The following TMEM51 variants were observed in gnomAD, a reference collection of about 807,000 sequenced individuals.
TMEM51 encodes the protein chromosome 1 open reading frame 72.
In TMEM51, 8 loss-of-function variants were observed where a neutral mutation model predicts 13.6. The observed-to-expected ratio is 0.59, with a 90% CI of 0.35 to 1.07. The LOEUF is 1.07. TMEM51 is among the 50% of genes least tolerant of loss of function. The pLI, the probability that TMEM51 is intolerant of heterozygous loss-of-function variation, is 0.02. For synonymous variants in TMEM51, 147 were observed against 144.4 expected (o/e 1.02, Z -0.13); for missense variants, 279 against 330.7 (o/e 0.84, Z 1.21).
At chr1:15,178,968 C>CTTTGTTGAAA (rs1220352914) in intron 1 of TMEM51, among the ~76,000 whole-genome samples, 10 of 152,160 alleles carry the variant, frequency 6.6e-5, no homozygotes, top group Non-Finnish European at 1.3e-4. Flanking sequence ...GAACAAACCA[C>CTTTGTTGAAA]CCAGAATCGG....
rs1017561393 is a variant in TMEM51 at position 15,160,767 on chromosome 1, G to A, written c.-267+6813G>A. On this transcript the variant is annotated intron_variant, in intron 1 of 3. Transcript: ENST00000376008. ...CTTCTTTTGGGGGAAATTGCCTGTA[G>A]CTAAACACCGGCGCCATCACTTTAA... is the stretch of plus-strand genomic sequence containing the variant. Among the ~76,000 whole-genome samples, 5 of 145,542 alleles carry A rather than the reference G, an allele frequency of 3.4e-5. No homozygotes were observed. The East Asian group carries it at 7.7e-4, about 23-fold the overall frequency.
rs544210755 is a variant in TMEM51 at position 15,219,514 on chromosome 1, A to T, written c.533A>T (p.Asp178Val). The T allele has an allele frequency of 8.1e-6, 13 of 1,613,912 alleles. No individual in the cohort carries two copies. In the African/African-American group the frequency reaches 1.7e-4, roughly 22 times the overall value. Residue 178 changes from aspartate (D) to valine (V), a missense_variant, in exon 4 of 4, where the codon GAC becomes GTC. By Grantham distance (152) the Asp-to-Val change is radical. Transcript: ENST00000376008. ...DETTPTSTRA[D>V]VEASPGNPPD... ...ACCACCCCCACATCCACCAGGGCTG[A>T]CGTGGAGGCCAGCCCTGGGAACCCC...
intron 2 of TMEM51, among the ~76,000 whole-genome samples, chr1:15,214,225 GT>G (rs1329772705): frequency 6.6e-6 from 1 of 152,106 alleles, no homozygotes; most frequent in East Asian, 1.9e-4. Context: ...CACCACGGTG[GT>G]TGCTGGAGGA....
intron 2 of TMEM51, among the ~76,000 whole-genome samples, chr1:15,211,860 T>C (rs1196988765): frequency 7.4e-6 from 1 of 134,262 alleles, no homozygotes; most frequent in Non-Finnish European, 1.5e-5. Flanking sequence ...TACGTGTGTA[T>C]ATATAAAAAT....
intron 1 of TMEM51, among the ~76,000 whole-genome samples, chr1:15,209,466 T>C (rs535599553): frequency 5.5e-4 from 84 of 152,256 alleles, no homozygotes; most frequent in African/African-American, 1.9e-3. Flanking sequence ...ATTACAAAAA[T>C]AGAGCAACAT....
intron 1 of TMEM51, among the ~76,000 whole-genome samples, chr1:15,184,821 G>A (rs1054524915): frequency 1.4e-5 from 2 of 145,682 alleles, no homozygotes; most frequent in South Asian, 2.3e-4. Flanking sequence ...TTGCCCTCGC[G>A]TGGGACATTT....
At chr1:15,168,835 C>T in intron 1 of TMEM51, 2 of 1,245,376 alleles carry the variant, frequency 1.6e-6, no homozygotes, top group Non-Finnish European at 2.1e-6. Flanking sequence ...CCATATCCGG[C>T]TCATGATAAA....
At chr1:15,167,614 T>G (rs755627328) in intron 1 of TMEM51, among the ~76,000 whole-genome samples, 1 of 152,200 alleles carries the variant, frequency 6.6e-6, no homozygotes, top group Non-Finnish European at 1.5e-5. Context: ...ATGACTAAAC[T>G]TAGGAGGTTA....
At chr1:15,162,044 G>A (rs946091861) in intron 1 of TMEM51, among the ~76,000 whole-genome samples, 3 of 143,708 alleles carry the variant, frequency 2.1e-5, no homozygotes, top group African/African-American at 7.9e-5. Flanking sequence ...GAGAGAAGAG[G>A]AGAGAAGGAG....
rs144369747 is a variant in TMEM51 at position 15,219,483 on chromosome 1, G to A, written c.502G>A (p.Asp168Asn). ...GTCCTATGAGTCACTGACGGGGCTC[G>A]ACGAGACCACCCCCACATCCACCAG... ...LPSYESLTGLDETTPTSTRAD... is the reference protein window; with the variant it reads ...LPSYESLTGLNETTPTSTRAD... Residue 168 changes from aspartate (D) to asparagine (N), a missense_variant, in exon 4 of 4, where the codon GAC becomes AAC. Coordinates refer to ENST00000376008, the MANE Select transcript of TMEM51 (RefSeq NM_001136218.2). The A allele has an allele frequency of 4.6e-5, 74 of 1,614,088 alleles. No individual in the cohort carries two copies. The highest frequency in any genetic ancestry group is 3.6e-4 in the African/African-American group (27 of 75,042).
chr1:15,152,710 A>T (rs1642436829), upstream of TMEM51: 1 of 152,274 alleles, frequency 6.6e-6, no homozygotes. Context: ...GGCTGAAACC[A>T]GCCCACCCTA....
chr1:15,170,347 T>TC (rs1474180635), intron 1 of TMEM51, among the ~76,000 whole-genome samples: 1 of 39,214 alleles, frequency 2.6e-5, no homozygotes, highest in Non-Finnish European at 6.5e-5. Context: ...TACTGCTGGG[T>TC]TTTTTTTTAT....
chr1:15,178,031 G>A (rs1358129446), intron 1 of TMEM51, among the ~76,000 whole-genome samples: 1 of 152,242 alleles, frequency 6.6e-6, no homozygotes, highest in African/African-American at 2.4e-5. Context: ...AAGTAACACA[G>A]CTGGGAGTCG....
chr1:15,174,949 A>G (rs887767508), intron 1 of TMEM51, among the ~76,000 whole-genome samples: 1 of 152,202 alleles, frequency 6.6e-6, no homozygotes, highest in African/African-American at 2.4e-5. Context: ...TGGGAGTTAG[A>G]GCTTCATATG....
intron 1 of TMEM51, among the ~76,000 whole-genome samples, chr1:15,194,527 A>G (rs1450833901): frequency 6.6e-6 from 1 of 152,046 alleles, no homozygotes; most frequent in Admixed American, 6.5e-5. Context: ...GGGAGCCACC[A>G]TTTCTCTGGA....
At chr1:15,175,325 G>T (rs574666655) in intron 1 of TMEM51, among the ~76,000 whole-genome samples, 58 of 152,254 alleles carry the variant, frequency 3.8e-4, no homozygotes, top group African/African-American at 1.3e-3. Context: ...GCTTGAACCT[G>T]GGAGGCAGAG....
At chr1:15,209,994 G>A (rs112501704) in intron 1 of TMEM51, among the ~76,000 whole-genome samples, 1 of 152,064 alleles carries the variant, frequency 6.6e-6, no homozygotes, top group Admixed American at 6.5e-5. Flanking sequence ...TCACACCACT[G>A]CATTCCAGCC....
chr1:15,201,306 G>A (rs569559361), intron 1 of TMEM51, among the ~76,000 whole-genome samples: 11 of 151,292 alleles, frequency 7.3e-5, no homozygotes, highest in Non-Finnish European at 1.2e-4. Flanking sequence ...GTAATAGGTC[G>A]TTAAGAAAAA....
chr1:15,199,095 G>C (rs1644104163), intron 1 of TMEM51, among the ~76,000 whole-genome samples: 1 of 151,782 alleles, frequency 6.6e-6, no homozygotes, highest in Non-Finnish European at 1.5e-5. Flanking sequence ...CATGCTGGCT[G>C]TGAAGAAAGT....
Sources: allele counts gnomAD v4.1 joint callset (sites outside exome capture counted in the v4.1 genomes callset), GRCh38; gene constraint gnomAD v4.1.1; transcripts MANE v1.5; gene names NCBI Gene and HGNC (gene_info 2026-07-23, HGNC 2026-07-21).